Variants in N4BP2 observed in about 807,000 individuals in gnomAD.
N4BP2 encodes the protein NEDD4-binding protein 2.
A neutral mutation model predicts 152.8 loss-of-function variants in N4BP2; 91 were observed. The observed-to-expected ratio is 0.60, with a 90% CI of 0.50 to 0.71. The LOEUF is 0.71. N4BP2 is among the 30% of genes least tolerant of loss of function. The pLI, the probability that N4BP2 is intolerant of heterozygous loss-of-function variation, is 0.00. For missense variants in N4BP2, 1,923 were observed against 2,059.1 expected (o/e 0.93, Z 1.28); for synonymous variants, 646 against 705.3 (o/e 0.92, Z 1.33).
intron 8 of N4BP2, among the ~76,000 whole-genome samples, chr4:40,118,815 G>C (rs1227621191): frequency 6.6e-6 from 1 of 152,112 alleles, no homozygotes; most frequent in Non-Finnish European, 1.5e-5. Flanking sequence ...TGCAATCCAA[G>C]GTAGCACTGA....
At chr4:40,108,039 C>T (rs575715170) in intron 5 of N4BP2, among the ~76,000 whole-genome samples, 1 of 151,646 alleles carries the variant, frequency 6.6e-6, no homozygotes, top group South Asian at 2.1e-4. Flanking sequence ...TTCTCATCCT[C>T]AGCCTCCCAG....
intron 13 of N4BP2, among the ~76,000 whole-genome samples, chr4:40,136,668 G>A (rs1719435995): frequency 2.0e-5 from 3 of 152,314 alleles, no homozygotes; most frequent in East Asian, 1.9e-4. Flanking sequence ...GATTACAGGC[G>A]TGAGCTACTG....
chr4:40,161,300 A>C (rs1254488232), downstream of N4BP2, among the ~76,000 whole-genome samples: 1 of 152,246 alleles, frequency 6.6e-6, no homozygotes, highest in Non-Finnish European at 1.5e-5. Context: ...ATTTACAGGG[A>C]TTACAGAGGA....
rs1338189506 is a variant in N4BP2 at position 40,102,970 on chromosome 4, A to G, written c.1125A>G (p.Gly375=). The stretch of plus-strand genomic sequence containing the variant: ...TTCCTGCTTTTGACCTCTTCCAAGG[A>G]AACCATGGCTTTGTAGCTCCTGTTG... The part of the protein sequence containing the change: ...PMIPAFDLFQ[G]NHGFVAPVVT... The change falls in exon 4 of 18, where the codon GGA becomes GGG. Residue 375 remains glycine (G), a synonymous_variant. Coordinates refer to ENST00000261435, the MANE Select transcript of N4BP2 (RefSeq NM_018177.6). 6.2e-7 allele frequency: 1 copy of G among 1,614,208 alleles called. No homozygotes were observed. The highest frequency in any genetic ancestry group is 8.5e-7 in the Non-Finnish European group (1 of 1,180,036).
At chr4:40,089,201 C>T (rs376163835) in intron 2 of N4BP2, among the ~76,000 whole-genome samples, 1 of 151,426 alleles carries the variant, frequency 6.6e-6, no homozygotes, top group Non-Finnish European at 1.5e-5. Context: ...GGATTCCCCC[C>T]CTCTTCAGCC....
chr4:40,078,422 C>T (rs1713003001), intron 2 of N4BP2, among the ~76,000 whole-genome samples: 1 of 151,978 alleles, frequency 6.6e-6, no homozygotes, highest in South Asian at 2.1e-4. Flanking sequence ...CAGATGTGAG[C>T]CACCGTGTCT....
chr4:40,136,676 C>G (rs1719437048), intron 13 of N4BP2, among the ~76,000 whole-genome samples: 1 of 152,244 alleles, frequency 6.6e-6, no homozygotes, highest in Admixed American at 6.5e-5. Flanking sequence ...GCGTGAGCTA[C>G]TGTGCCTGGC....
chr4:40,190,212 G>T, the N4BP2 span, among the ~76,000 whole-genome samples: 3 of 152,092 alleles, frequency 2.0e-5, no homozygotes, highest in African/African-American at 4.8e-5. Context: ...CTTGTTGTTC[G>T]CTGCTGTCTC....
intron 2 of N4BP2, among the ~76,000 whole-genome samples, chr4:40,083,505 C>T (rs777337093): frequency 1.4e-4 from 21 of 152,122 alleles, no homozygotes; most frequent in Non-Finnish European, 2.8e-4. Context: ...CTAGCAGTAT[C>T]GGTGAAGTAC....
chr4:40,161,848 TG>T (rs1350252182), downstream of N4BP2, among the ~76,000 whole-genome samples: 1 of 152,206 alleles, frequency 6.6e-6, no homozygotes, highest in East Asian at 1.9e-4. Context: ...GACCTGGCTC[TG>T]GGGATGAATT....
At chr4:40,137,439 G>A (rs1043666204) in intron 14 of N4BP2, among the ~76,000 whole-genome samples, 1 of 152,164 alleles carries the variant, frequency 6.6e-6, no homozygotes, top group Non-Finnish European at 1.5e-5. Context: ...TTTTCCCAAA[G>A]TGGCTCTACC....
intron 2 of N4BP2, among the ~76,000 whole-genome samples, chr4:40,088,502 GTTT>G (rs199929808): frequency 7.2e-6 from 1 of 139,494 alleles, no homozygotes; most frequent in Admixed American, 7.2e-5. Context: ...TCTCATTATA[GTTT>G]TTTTTTTTTT....
At position 40,117,883 on chromosome 4, in the gene N4BP2, G is replaced by A. The variant is rs1212740452; in HGVS notation, c.1679G>A (p.Gly560Glu). 1 of 1,608,092 alleles carries A rather than the reference G, an allele frequency of 6.2e-7. No homozygotes were observed. The highest frequency in any genetic ancestry group is 1.7e-5 in the Admixed American group (1 of 59,152). The change falls in exon 8 of 18, where the codon GGG becomes GAG. Residue 560 changes from glycine (G) to glutamate (E), a missense_variant. Coordinates refer to ENST00000261435, the MANE Select transcript of N4BP2 (RefSeq NM_018177.6). ...GGAATTTTCAGGCGTAACATTCATGGGGTAAGCAAAGAAAAAATAACAAGA... is the reference window on the plus strand; with the variant it reads ...GGAATTTTCAGGCGTAACATTCATGAGGTAAGCAAAGAAAAAATAACAAGA... ...PKELARRNIH[G>E]VSKEKITRML...
intron 1 of N4BP2, among the ~76,000 whole-genome samples, chr4:40,073,011 G>T (rs376601198): frequency 1.3e-5 from 2 of 152,074 alleles, no homozygotes; most frequent in African/African-American, 4.8e-5. Context: ...GTGAGCCACC[G>T]CACCTGGCCA....
At chr4:40,114,555 T>A in intron 7 of N4BP2, among the ~76,000 whole-genome samples, 1 of 152,264 alleles carries the variant, frequency 6.6e-6, no homozygotes, top group Admixed American at 6.5e-5. Context: ...CATGTGTCAC[T>A]ACTTCCTTTT....
At chr4:40,143,469 A>G (rs1560640496) in intron 15 of N4BP2, among the ~76,000 whole-genome samples, 2 of 152,212 alleles carry the variant, frequency 1.3e-5, no homozygotes, top group East Asian at 1.9e-4. Context: ...ACGTGCCACC[A>G]GGCCCAGCTA....
chr4:40,135,520 C>T (rs577999024), intron 13 of N4BP2, among the ~76,000 whole-genome samples: 2 of 152,150 alleles, frequency 1.3e-5, no homozygotes, highest in Non-Finnish European at 2.9e-5. Flanking sequence ...TGAGGAATCG[C>T]CACACTGACT....
chr4:40,120,942 C>G lies in N4BP2; in HGVS notation c.2831C>G (p.Ser944Cys), dbSNP rs769485475. 1 of 1,614,102 alleles carries G rather than the reference C, an allele frequency of 6.2e-7. No individual in the cohort carries two copies. The highest frequency in any genetic ancestry group is 8.5e-7 in the Non-Finnish European group (1 of 1,180,012). Residue 944 changes from serine to cysteine, a missense_variant, in exon 9 of 18, where the codon TCC (serine) becomes TGC (cysteine). Ser to Cys is a moderately radical substitution (Grantham distance 112, BLOSUM62 -1). Coordinates refer to ENST00000261435, the MANE Select transcript of N4BP2 (RefSeq NM_018177.6). ...CAAAAACTAAAGACATTGGGTAGCT[C>G]CAATCTAGGAAGTTCTGAAATGCTG... ...SSQKLKTLGS[S>C]NLGSSEMLLS... is the part of the protein sequence containing the mutation.
the N4BP2 span, among the ~76,000 whole-genome samples, chr4:40,188,827 A>C: frequency 1.3e-5 from 2 of 151,794 alleles, no homozygotes; most frequent in African/African-American, 2.4e-5. Context: ...ATTATTATGA[A>C]ATTATCAGTA....
Sources: gnomAD v4.1 joint callset for allele counts (sites outside exome capture counted in the v4.1 genomes callset) on GRCh38, gnomAD v4.1.1 for gene constraint, MANE v1.5 for transcripts, NCBI Gene and HGNC (gene_info 2026-07-23, HGNC 2026-07-21) for gene names.